VWA8: variants seen among roughly 807,000 people sequenced by gnomAD.
VWA8 encodes the protein von Willebrand factor A domain containing 8, also known as von Willebrand factor A domain-containing protein 8.
A neutral mutation model predicts 241.5 loss-of-function variants in VWA8; 221 were observed. The observed-to-expected ratio is 0.91, with a 90% confidence interval of 0.82 to 1.02. The LOEUF is 1.02. Ranked by LOEUF, VWA8 falls within the 50% of genes least tolerant of loss-of-function variation. The pLI is 0.00. For synonymous variants in VWA8, 852 were observed against 827.1 expected (o/e 1.03, Z -0.52); for missense variants, 2,322 against 2,328.7 (o/e 1.00, Z 0.06).
intron 37 of VWA8, among the ~76,000 whole-genome samples, chr13:41,646,877 A>C (rs2044835769): frequency 6.6e-6 from 1 of 152,220 alleles, no homozygotes; most frequent in Non-Finnish European, 1.5e-5. Flanking sequence ...CTGCAGACTC[A>C]ATGCTTGCCC....
chr13:41,709,109 G>C (rs967469129), intron 26 of VWA8, among the ~76,000 whole-genome samples: 1 of 152,104 alleles, frequency 6.6e-6, no homozygotes, highest in Non-Finnish European at 1.5e-5. Context: ...AAAATTTCCT[G>C]TATTTCTCAC....
chr13:41,941,053 A>G (rs937045456), intron 2 of VWA8, among the ~76,000 whole-genome samples: 1 of 152,236 alleles, frequency 6.6e-6, no homozygotes, highest in South Asian at 2.1e-4. Flanking sequence ...AATGAAAACT[A>G]TAATAAAAGT....
In VWA8 at chr13:41,709,771, C is replaced by CTTT. The variant is rs67056755; in HGVS notation, c.3117-6363_3117-6361dup. Reference sequence around the variant, plus strand: ...TCACTCTGTCTCTCTGTCTCTCTCTCTTTTTTTTTTTTTTTTAAGAAACAG... The same window carrying CTTT: ...TCACTCTGTCTCTCTGTCTCTCTCTCTTTTTTTTTTTTTTTTTTTAAGAAACAG... On this transcript the variant is annotated intron_variant, in intron 26 of 44. Coordinates refer to ENST00000379310, the MANE Select transcript of VWA8 (RefSeq NM_015058.2). Among the ~76,000 whole-genome samples, 7 of 143,956 alleles carry CTTT rather than the reference C, an allele frequency of 4.9e-5. No homozygotes were observed. In the East Asian group the frequency reaches 1.0e-3, roughly 21 times the overall value. 94.4% of individuals were successfully genotyped at this position (143,956 alleles called of 152,430 possible).
At chr13:41,760,306 A>C (rs2045730299) in intron 21 of VWA8, among the ~76,000 whole-genome samples, 1 of 151,866 alleles carries the variant, frequency 6.6e-6, no homozygotes. Flanking sequence ...GCTTTCCCTG[A>C]GTCCTTTCCT....
intron 26 of VWA8, among the ~76,000 whole-genome samples, chr13:41,708,498 C>T (rs974075526): frequency 6.6e-6 from 1 of 152,122 alleles, no homozygotes; most frequent in African/African-American, 2.4e-5. Flanking sequence ...CCTTTATTTG[C>T]TAGAAACTTC....
chr13:41,766,243 A>G (rs528203119), intron 20 of VWA8, among the ~76,000 whole-genome samples: 2 of 152,202 alleles, frequency 1.3e-5, no homozygotes, highest in East Asian at 1.9e-4. Flanking sequence ...CTTTACAGCA[A>G]AAGGACTTTG....
At position 41,958,341 on chromosome 13, in the gene VWA8, C is replaced by G. The variant is rs115449044; in HGVS notation, c.163+2512G>C. On this transcript the variant is annotated intron_variant, in intron 1 of 44. Transcript: ENST00000379310. ...GTACAAAGTGTTGGCAGGCACCAAA[C>G]GAATATATAGATAAACAAAACAAAT... Among the ~76,000 whole-genome samples, 258 of 152,160 alleles carry G rather than the reference C, an allele frequency of 1.7e-3. 2 individuals are homozygous for G. The highest frequency in any genetic ancestry group is 5.7e-3 in the African/African-American group (237 of 41,508).
At chr13:41,715,228 A>G (rs994929361) in intron 26 of VWA8, among the ~76,000 whole-genome samples, 3 of 151,952 alleles carry the variant, frequency 2.0e-5, no homozygotes, top group African/African-American at 4.8e-5. Context: ...ACCATCATCA[A>G]TATTATTGTA....
At chr13:41,695,405 T>C (rs2045209866) in intron 29 of VWA8, among the ~76,000 whole-genome samples, 1 of 152,184 alleles carries the variant, frequency 6.6e-6, no homozygotes, top group Non-Finnish European at 1.5e-5. Context: ...AGGCAAGGAA[T>C]AGCCGAATTC....
intron 12 of VWA8, among the ~76,000 whole-genome samples, chr13:41,863,472 C>CACTA (rs1458665543): frequency 1.5e-5 from 2 of 136,558 alleles, no homozygotes; most frequent in Admixed American, 7.5e-5. Context: ...CACACACACA[C>CACTA]TATATATATT....
intron 37 of VWA8, among the ~76,000 whole-genome samples, chr13:41,619,784 G>A (rs183157186): frequency 5.9e-5 from 9 of 151,866 alleles, no homozygotes; most frequent in African/African-American, 1.2e-4. Flanking sequence ...ATTGATTTGC[G>A]TATGTTGAAC....
chr13:41,831,516 G>A (rs1007738740), intron 13 of VWA8, among the ~76,000 whole-genome samples: 13 of 151,718 alleles, frequency 8.6e-5, no homozygotes, highest in Non-Finnish European at 1.8e-4. Flanking sequence ...TTGACTGTAC[G>A]TTAGAATCTT....
At chr13:41,758,398 G>GTATA (rs1236188354) in intron 21 of VWA8, among the ~76,000 whole-genome samples, 1,286 of 24,860 alleles carry the variant, frequency 0.052, 70 homozygotes, top group African/African-American at 0.074. Context: ...ATATACGCTA[G>GTATA]TATATATATA....
At chr13:41,639,038 C>T (rs968739276) in intron 37 of VWA8, among the ~76,000 whole-genome samples, 6 of 152,026 alleles carry the variant, frequency 3.9e-5, no homozygotes, top group African/African-American at 1.5e-4. Flanking sequence ...TGGTATCTTC[C>T]ATTTTCTTTG....
chr13:41,647,976 G>A (rs957098594), intron 37 of VWA8, among the ~76,000 whole-genome samples: 2 of 151,852 alleles, frequency 1.3e-5, no homozygotes, highest in African/African-American at 2.4e-5. Context: ...GCGAAGGAGC[G>A]AGACTTTGTC....
At chr13:41,680,705 T>C (rs2045092959) in intron 35 of VWA8, among the ~76,000 whole-genome samples, 1 of 152,198 alleles carries the variant, frequency 6.6e-6, no homozygotes, top group Non-Finnish European at 1.5e-5. Context: ...CAGGATCCCC[T>C]TTATGCTACT....
chr13:41,898,083 T>G (rs1875214280), intron 4 of VWA8, among the ~76,000 whole-genome samples: 1 of 152,090 alleles, frequency 6.6e-6, no homozygotes, highest in South Asian at 2.1e-4. Flanking sequence ...TGTCGATTGG[T>G]GCATTCACAA....
chr13:41,811,490 C>T (rs1870470088), intron 16 of VWA8, 150 bp from the exon 17 acceptor site: 2 of 465,370 alleles, frequency 4.3e-6, no homozygotes, highest in East Asian at 3.3e-5. Flanking sequence ...TCAAAATAAA[C>T]AGAAACCAAT....
intron 37 of VWA8, among the ~76,000 whole-genome samples, chr13:41,637,671 A>G (rs916539432): frequency 2.0e-5 from 3 of 152,210 alleles, no homozygotes; most frequent in Non-Finnish European, 4.4e-5. Context: ...ATTGGTATGT[A>G]CATTTATAAA....
Sources: gnomAD v4.1 joint callset for allele counts (sites outside exome capture counted in the v4.1 genomes callset) on GRCh38, gnomAD v4.1.1 for gene constraint, MANE v1.5 for transcripts, NCBI Gene and HGNC (gene_info 2026-07-23, HGNC 2026-07-21) for gene names.